Variants in ERBB4 observed in about 807,000 individuals in gnomAD.
ERBB4 encodes receptor tyrosine-protein kinase erbB-4.
ERBB4 carries 42 observed loss-of-function variants against 158.0 expected under a neutral mutation model. The observed-to-expected ratio is 0.27, with a 90% CI of 0.21 to 0.34. ERBB4 has a LOEUF of 0.34. Among genes scored for constraint, ERBB4 ranks in the 10% least tolerant of loss-of-function variants. ERBB4 has a pLI of 1.00. For missense variants in ERBB4, 1,333 were observed against 1,624.1 expected, an observed-to-expected ratio of 0.82 and a Z score of 3.08; for synonymous variants, 583 against 558.7, an observed-to-expected ratio of 1.04 and a Z score of -0.61.
At chr2:211,903,526 T>C (rs947023152) in intron 3 of ERBB4, among the ~76,000 whole-genome samples, 3 of 152,094 alleles carry the variant, frequency 2.0e-5, no homozygotes, top group Non-Finnish European at 4.4e-5. Flanking sequence ...GTATTTCTCA[T>C]GAAATTTTGG....
At chr2:211,524,910 G>A (rs1288065893) in intron 20 of ERBB4, among the ~76,000 whole-genome samples, 1 of 152,192 alleles carries the variant, frequency 6.6e-6, no homozygotes, top group Non-Finnish European at 1.5e-5. Context: ...AGCGAGGGCT[G>A]TAAGGACTGC....
intron 5 of ERBB4, among the ~76,000 whole-genome samples, chr2:211,730,030 A>G (rs568791578): frequency 6.6e-6 from 1 of 152,126 alleles, no homozygotes; most frequent in East Asian, 1.9e-4. Flanking sequence ...TTAGACGGGT[A>G]ACATTTAAGG....
intron 2 of ERBB4, among the ~76,000 whole-genome samples, chr2:212,004,061 A>T (rs2076204948): frequency 6.6e-6 from 1 of 152,194 alleles, no homozygotes; most frequent in South Asian, 2.1e-4. Context: ...ATTATTCACA[A>T]TGTTGCTTAG....
intron 3 of ERBB4, among the ~76,000 whole-genome samples, chr2:211,804,788 T>C (rs1404763361): frequency 1.3e-5 from 2 of 152,198 alleles, no homozygotes; most frequent in Non-Finnish European, 2.9e-5. Context: ...ATTTCTGGCA[T>C]TGTAGCCTTC....
At chr2:212,015,725 C>T (rs2076513320) in intron 2 of ERBB4, among the ~76,000 whole-genome samples, 1 of 152,164 alleles carries the variant, frequency 6.6e-6, no homozygotes, top group Admixed American at 6.5e-5. Context: ...CCTACAACCA[C>T]CAATAGTAAA....
At chr2:212,271,086 G>C (rs996059433) in intron 1 of ERBB4, among the ~76,000 whole-genome samples, 1 of 151,644 alleles carries the variant, frequency 6.6e-6, no homozygotes, top group Non-Finnish European at 1.5e-5. Context: ...CTATTTTATC[G>C]AGCAGTTATC....
intron 16 of ERBB4, among the ~76,000 whole-genome samples, chr2:211,633,886 C>T (rs1175944262): frequency 6.6e-6 from 1 of 152,128 alleles, no homozygotes; most frequent in Non-Finnish European, 1.5e-5. Flanking sequence ...GAGGCCGGGC[C>T]AGTGGCTCAC....
intron 12 of ERBB4, among the ~76,000 whole-genome samples, chr2:211,700,726 C>T (rs1167535194): frequency 1.3e-5 from 2 of 152,114 alleles, no homozygotes; most frequent in Non-Finnish European, 2.9e-5. Context: ...CGCACACACT[C>T]ACACGTATAC....
intron 1 of ERBB4, among the ~76,000 whole-genome samples, chr2:212,446,081 A>C (rs1297334706): frequency 6.6e-6 from 1 of 152,102 alleles, no homozygotes; most frequent in South Asian, 2.1e-4. Flanking sequence ...GTGCTTTTCC[A>C]GTTGTATGAA....
chr2:212,406,035 G>A (rs1250561389), intron 1 of ERBB4, among the ~76,000 whole-genome samples: 1 of 152,074 alleles, frequency 6.6e-6, no homozygotes, highest in African/African-American at 2.4e-5. Flanking sequence ...CATACACAGT[G>A]TGAACTAATA....
chr2:211,674,302 A>G (rs1182352416), intron 13 of ERBB4, among the ~76,000 whole-genome samples: 2 of 152,166 alleles, frequency 1.3e-5, no homozygotes, highest in Admixed American at 1.3e-4. Context: ...ATTAAGTGAT[A>G]CATTAAAATA....
intron 16 of ERBB4, among the ~76,000 whole-genome samples, chr2:211,640,899 C>T (rs916105586): frequency 1.3e-5 from 2 of 151,986 alleles, no homozygotes; most frequent in Non-Finnish European, 2.9e-5. Context: ...GACTCCCATG[C>T]CTATGGGAAT....
intron 2 of ERBB4, among the ~76,000 whole-genome samples, chr2:212,027,328 GTCACATGA>G (rs148548206): frequency 0.013 from 1,965 of 152,034 alleles, 23 homozygotes; most frequent in South Asian, 0.053. Flanking sequence ...CTAGTGATGG[GTCACATGA>G]TCAGAAAATC....
At chr2:212,036,106 A>T (rs2077005590) in intron 2 of ERBB4, among the ~76,000 whole-genome samples, 1 of 152,196 alleles carries the variant, frequency 6.6e-6, no homozygotes. Flanking sequence ...TCAGTTACAA[A>T]TCAGACAAAA....
chr2:212,450,997 G>A (rs1346245723), intron 1 of ERBB4, among the ~76,000 whole-genome samples: 1 of 151,932 alleles, frequency 6.6e-6, no homozygotes. Flanking sequence ...CAGGTGTAGT[G>A]TCACATCCGT....
At chr2:211,814,504 A>T (rs1488742854) in intron 3 of ERBB4, among the ~76,000 whole-genome samples, 1 of 152,190 alleles carries the variant, frequency 6.6e-6, no homozygotes, top group African/African-American at 2.4e-5. Context: ...AGGTACTAAG[A>T]TGAAAAACTG....
intron 1 of ERBB4, among the ~76,000 whole-genome samples, chr2:212,355,460 T>C (rs1439584649): frequency 6.6e-6 from 1 of 152,022 alleles, no homozygotes; most frequent in Non-Finnish European, 1.5e-5. Flanking sequence ...TAAATAGTCA[T>C]TGTATGTTGA....
chr2:212,306,741 T>A (rs567417169), intron 1 of ERBB4, among the ~76,000 whole-genome samples: 1 of 151,476 alleles, frequency 6.6e-6, no homozygotes, highest in Admixed American at 6.6e-5. Flanking sequence ...TGTTCTAATT[T>A]ACTTCTTAAA....
chr2:211,976,264 G>A (rs1442460814), intron 2 of ERBB4, among the ~76,000 whole-genome samples: 1 of 152,160 alleles, frequency 6.6e-6, no homozygotes, highest in Non-Finnish European at 1.5e-5. Flanking sequence ...TCTGGGGAAT[G>A]AGGAAAGATA....
Sources: gnomAD v4.1 joint callset for allele counts (sites outside exome capture counted in the v4.1 genomes callset) on GRCh38, gnomAD v4.1.1 for gene constraint, MANE v1.5 for transcripts, NCBI Gene and HGNC (gene_info 2026-07-23, HGNC 2026-07-21) for gene names.